Variants in CFAP54 observed in about 807,000 individuals in gnomAD.
The protein encoded by CFAP54 is cilia- and flagella-associated protein 54.
A neutral mutation model predicts 370.4 loss-of-function variants in CFAP54; 290 were observed. The observed-to-expected ratio is 0.78, with a 90% CI of 0.71 to 0.86. CFAP54 has a LOEUF of 0.86. CFAP54 is among the 40% of genes least tolerant of loss of function. The pLI, the probability that CFAP54 is intolerant of heterozygous loss-of-function variation, is 0.00. For synonymous variants in CFAP54, 1,206 were observed against 1,236.5 expected (o/e 0.98, Z 0.52); for missense variants, 3,399 against 3,528.7 (o/e 0.96, Z 0.93).
At chr12:96,703,800 G>A (rs572758539) in intron 46 of CFAP54, among the ~76,000 whole-genome samples, 70 of 152,230 alleles carry the variant, frequency 4.6e-4, no homozygotes, top group African/African-American at 1.7e-3. Flanking sequence ...TACAATGTGG[G>A]TGGGAGTGTA....
chr12:96,577,628 T>C (rs1193000670), intron 20 of CFAP54, among the ~76,000 whole-genome samples: 1 of 148,706 alleles, frequency 6.7e-6, no homozygotes, highest in Non-Finnish European at 1.5e-5. Context: ...GAAAGCTAAA[T>C]ACATTTCCTG....
chr12:96,645,831 C>CA (rs1956783242), intron 33 of CFAP54: 1 of 151,632 alleles, frequency 6.6e-6, no homozygotes, highest in South Asian at 2.1e-4. Flanking sequence ...ACAAACCTGA[C>CA]AAAAACAAAA....
chr12:96,505,726 C>G (rs960471980), intron 3 of CFAP54, among the ~76,000 whole-genome samples: 4 of 152,108 alleles, frequency 2.6e-5, no homozygotes, highest in African/African-American at 9.7e-5. Context: ...TGGTCTCGAA[C>G]TCCTGACCTC....
intron 37 of CFAP54, 28 bp downstream of exon 37, chr12:96,658,133 A>G: frequency 1.3e-6 from 2 of 1,584,626 alleles, no homozygotes; most frequent in Non-Finnish European, 1.7e-6. Flanking sequence ...GGCAATTAAA[A>G]GTAGAAGACT....
intron 23 of CFAP54, among the ~76,000 whole-genome samples, chr12:96,592,050 A>G (rs190573451): frequency 7.4e-4 from 113 of 152,168 alleles, no homozygotes; most frequent in African/African-American, 2.5e-3. Flanking sequence ...TAAAGATTCC[A>G]TTTGATTCAT....
chr12:96,670,510 C>G (rs1427966913), intron 39 of CFAP54, among the ~76,000 whole-genome samples: 1 of 152,148 alleles, frequency 6.6e-6, no homozygotes, highest in Non-Finnish European at 1.5e-5. Context: ...AGTCACATGG[C>G]CACACCTAAC....
chr12:96,777,842 TC>T (rs1162689773), intron 60 of CFAP54, among the ~76,000 whole-genome samples: 1 of 152,178 alleles, frequency 6.6e-6, no homozygotes, highest in Non-Finnish European at 1.5e-5. Flanking sequence ...ACACATTTGT[TC>T]CAGGATAAAC....
chr12:96,837,164 C>A (rs955814976), intron 66 of CFAP54, among the ~76,000 whole-genome samples: 2 of 152,178 alleles, frequency 1.3e-5, no homozygotes, highest in Non-Finnish European at 2.9e-5. Flanking sequence ...ATATTGATAA[C>A]CACATGCTGG....
intron 17 of CFAP54, among the ~76,000 whole-genome samples, chr12:96,555,655 A>G (rs1454172146): frequency 6.6e-6 from 1 of 150,976 alleles, no homozygotes; most frequent in Non-Finnish European, 1.5e-5. Flanking sequence ...TTTTATATCA[A>G]AAAAATCTGT....
At chr12:96,585,285 T>G (rs1470360681) in intron 22 of CFAP54, among the ~76,000 whole-genome samples, 1 of 152,068 alleles carries the variant, frequency 6.6e-6, no homozygotes, top group East Asian at 1.9e-4. Flanking sequence ...CTCAGCCTCC[T>G]GTGTAGCTGG....
intron 9 of CFAP54, among the ~76,000 whole-genome samples, chr12:96,530,503 T>A (rs1288124376): frequency 6.6e-6 from 1 of 151,878 alleles, no homozygotes; most frequent in Non-Finnish European, 1.5e-5. Flanking sequence ...TCAAAAAAAA[T>A]TTTTTTTCAC....
At chr12:96,639,128 G>A (rs1956695480) in intron 32 of CFAP54, among the ~76,000 whole-genome samples, 1 of 152,002 alleles carries the variant, frequency 6.6e-6, no homozygotes, top group Admixed American at 6.6e-5. Context: ...TCTGGTATCA[G>A]TGAATCCAGG....
intron 4 of CFAP54, among the ~76,000 whole-genome samples, chr12:96,507,355 G>T (rs553865577): frequency 2.6e-5 from 4 of 152,120 alleles, no homozygotes; most frequent in Admixed American, 6.6e-5. Context: ...AAGCAGGGCC[G>T]CAGTTAACAA....
chr12:96,775,248 C>T (rs1018653493), intron 60 of CFAP54, among the ~76,000 whole-genome samples: 5 of 151,988 alleles, frequency 3.3e-5, no homozygotes, highest in South Asian at 4.1e-4. Context: ...GCCAACATGG[C>T]GAAACCCCGT....
At chr12:96,719,191 TC>T (rs1424807276) in intron 49 of CFAP54, among the ~76,000 whole-genome samples, 1 of 152,200 alleles carries the variant, frequency 6.6e-6, no homozygotes, top group African/African-American at 2.4e-5. Context: ...TAGGTAGTAA[TC>T]ATTTTGAACT....
At chr12:96,639,163 A>C (rs188428633) in intron 32 of CFAP54, among the ~76,000 whole-genome samples, 4 of 152,206 alleles carry the variant, frequency 2.6e-5, no homozygotes, top group Admixed American at 2.0e-4. Context: ...AAAGATCAAC[A>C]AAACTGATAG....
chr12:96,867,661 G>A (rs1960039512), intron 67 of CFAP54, among the ~76,000 whole-genome samples: 1 of 152,182 alleles, frequency 6.6e-6, no homozygotes, highest in Non-Finnish European at 1.5e-5. Context: ...GTCAGGCACA[G>A]AAAGACAAAT....
intron 50 of CFAP54, among the ~76,000 whole-genome samples, chr12:96,736,060 TG>T (rs1265232005): frequency 6.6e-6 from 1 of 152,188 alleles, no homozygotes; most frequent in Non-Finnish European, 1.5e-5. Flanking sequence ...GAGGATTTTT[TG>T]GTTGCAAGTG....
chr12:96,752,882 C>T (rs1958204720), intron 55 of CFAP54, among the ~76,000 whole-genome samples: 1 of 152,180 alleles, frequency 6.6e-6, no homozygotes, highest in African/African-American at 2.4e-5. Context: ...TACGGCTCTT[C>T]TGTTTACCAG....
Sources: gnomAD v4.1 joint callset for allele counts (sites outside exome capture counted in the v4.1 genomes callset) on GRCh38, gnomAD v4.1.1 for gene constraint, MANE v1.5 for transcripts, NCBI Gene and HGNC (gene_info 2026-07-23, HGNC 2026-07-21) for gene names.